Variants in SLC6A2 observed in about 807,000 individuals in gnomAD.
SLC6A2 encodes the protein sodium-dependent noradrenaline transporter.
Under a neutral mutation model 71.7 loss-of-function variants are expected in SLC6A2, and 26 were observed. That is an observed-to-expected ratio of 0.36 (90% CI 0.27 to 0.50). The LOEUF (loss-of-function observed/expected upper bound fraction) is 0.50, where lower values mean the gene tolerates loss of function less well. SLC6A2 is among the 20% of genes least tolerant of loss of function. The pLI is 0.96. For synonymous variants in SLC6A2, 363 were observed against 337.9 expected (o/e 1.07, Z -0.82); for missense variants, 581 against 803.9 (o/e 0.72, Z 3.35).
chr16:55,671,339 G>C (rs908678322), intron 3 of SLC6A2, among the ~76,000 whole-genome samples: 1 of 152,142 alleles, frequency 6.6e-6, no homozygotes, highest in Non-Finnish European at 1.5e-5. Flanking sequence ...TAACGTGGCT[G>C]CCCACTGGGG....
chr16:55,661,203 A>G (rs775291782), intron 2 of SLC6A2, among the ~76,000 whole-genome samples: 2 of 152,212 alleles, frequency 1.3e-5, no homozygotes, highest in Non-Finnish European at 2.9e-5. Context: ...CCTTTCTTCC[A>G]GGGAAGTGGC....
chr16:55,670,651 C>T (rs1047202294), intron 3 of SLC6A2, among the ~76,000 whole-genome samples: 11 of 152,170 alleles, frequency 7.2e-5, no homozygotes, highest in Non-Finnish European at 1.2e-4. Context: ...TCAGCAACCC[C>T]GGGCTTAAAT....
intron 2 of SLC6A2, among the ~76,000 whole-genome samples, chr16:55,663,808 G>A (rs1478070513): frequency 1.3e-5 from 2 of 152,022 alleles, no homozygotes; most frequent in African/African-American, 2.4e-5. Flanking sequence ...TCTCTCCAAG[G>A]TAGGATTTTT....
chr16:55,659,038 A>G (rs567114709), intron 2 of SLC6A2, among the ~76,000 whole-genome samples: 7 of 152,168 alleles, frequency 4.6e-5, no homozygotes, highest in Non-Finnish European at 1.0e-4. Context: ...GCCTGTCCTC[A>G]GTGACCGCCC....
At chr16:55,684,972 T>C (rs2270935) in intron 4 of SLC6A2, among the ~76,000 whole-genome samples, 171 bp from the exon 5 acceptor site, 142,659 of 152,328 alleles carry the variant, frequency 0.94, 67,026 homozygotes, top group Non-Finnish European at 0.98. Flanking sequence ...CCATGGCTGA[T>C]CAGGTCAGGC....
chr16:55,676,904 A>G (rs1280080451), intron 4 of SLC6A2, among the ~76,000 whole-genome samples: 1 of 152,200 alleles, frequency 6.6e-6, no homozygotes, highest in Non-Finnish European at 1.5e-5. Context: ...CCAGGGTTCA[A>G]AACCTTGACT....
At chr16:55,701,352 A>G (rs747918745) in intron 13 of SLC6A2, among the ~76,000 whole-genome samples, 1 of 152,154 alleles carries the variant, frequency 6.6e-6, no homozygotes, top group Admixed American at 6.5e-5. Context: ...TGAGCCTTCT[A>G]TTCTTCACAC....
rs576997857 is a variant in SLC6A2, at chr16:55,694,863, G to T, written c.1023-415G>T. Among the ~76,000 whole-genome samples, 16 of 152,320 alleles carry T rather than the reference G, an allele frequency of 1.1e-4. No individual in the cohort carries two copies. The South Asian group carries it at 3.3e-3, about 32-fold the overall frequency. ...GAGAAGCGGGACAACACAGGCAAAT[G>T]CAAGGAAGTGGTTTGTTTATGGACC... On this transcript the variant is annotated intron_variant, in intron 7 of 14. Coordinates refer to ENST00000568943, the MANE Select transcript of SLC6A2 (RefSeq NM_001172501.3).
rs759525872 is a variant in SLC6A2, at chr16:55,685,227, C to T, written c.729C>T (p.Val243=). 25 of 1,614,044 alleles carry T rather than the reference C, an allele frequency of 1.5e-5. No individual in the cohort carries two copies. The highest frequency in any genetic ancestry group is 2.2e-5 in the East Asian group (1 of 44,888). The change falls in exon 5 of 15, where the codon GTC becomes GTT. Residue 243 remains valine, a synonymous_variant. Transcript: ENST00000568943. ...GGCAGCTCTTGCTCTGTCTGATGGT[C>T]GTCGTCATCGTCTTGTATTTTAGCC... ...PQWQLLLCLM[V]VVIVLYFSLW...
intron 4 of SLC6A2, among the ~76,000 whole-genome samples, chr16:55,684,224 T>G (rs1178821563): frequency 4.9e-5 from 7 of 143,950 alleles, no homozygotes; most frequent in African/African-American, 1.3e-4. Flanking sequence ...CACCTGAGCC[T>G]GGGGAGGCTG....
chr16:55,692,060 C>T lies in SLC6A2; in HGVS notation c.918+8C>T. ...CGCTTGAAAGAGGCCACGGTCAGTGCTCAGTGACCACCAAGCCTTGGGCCA... is the reference window on the plus strand; with the variant it reads ...CGCTTGAAAGAGGCCACGGTCAGTGTTCAGTGACCACCAAGCCTTGGGCCA... On this transcript the variant is annotated splice_region_variant and intron_variant, in intron 6 of 14. Transcript: ENST00000568943. 1 of 1,614,092 alleles carries T rather than the reference C, an allele frequency of 6.2e-7. No individual in the cohort carries two copies. The highest frequency in any genetic ancestry group is 8.5e-7 in the Non-Finnish European group (1 of 1,179,950).
chr16:55,694,466 G>C (rs1005919748), intron 7 of SLC6A2, among the ~76,000 whole-genome samples: 51 of 152,260 alleles, frequency 3.3e-4, no homozygotes, highest in African/African-American at 1.1e-3. Context: ...GCTGCTGAGG[G>C]CCTGGCAGGG....
At chr16:55,678,929 C>A (rs1273065255) in intron 4 of SLC6A2, among the ~76,000 whole-genome samples, 1 of 152,160 alleles carries the variant, frequency 6.6e-6, no homozygotes, top group Non-Finnish European at 1.5e-5. Flanking sequence ...GAGTCCAGAT[C>A]TTTTCACTGA....
intron 5 of SLC6A2, among the ~76,000 whole-genome samples, chr16:55,691,603 T>A (rs1965631517): frequency 6.6e-6 from 1 of 152,160 alleles, no homozygotes; most frequent in Non-Finnish European, 1.5e-5. Flanking sequence ...GGTGGCTTTG[T>A]AGATGAGGAG....
Position 55,699,651 on chromosome 16 carries a change from C to T in SLC6A2, c.1587C>T (p.Leu529=), listed in dbSNP as rs1965908581. The change falls in exon 12 of 15, where the codon CTC becomes CTT. Residue 529 remains leucine, a synonymous_variant. Transcript: ENST00000568943. ...GGAAGTTCGTCAGTCCTGCCTTCCT[C>T]CTGGTGTGTAGTGTCTGCAGGGAAG... ...LCWKFVSPAF[L]LFVVVVSIIN... 1 of 1,609,842 alleles carries T rather than the reference C, an allele frequency of 6.2e-7. No individual in the cohort carries two copies. The highest frequency in any genetic ancestry group is 1.3e-5 in the African/African-American group (1 of 74,960).
intron 8 of SLC6A2, 28 bp from the exon 9 acceptor site, chr16:55,696,197 T>C (rs1410708518): frequency 1.5e-6 from 2 of 1,369,356 alleles, no homozygotes; most frequent in East Asian, 2.3e-5. Flanking sequence ...GTTTCAGCCA[T>C]TGATGAGGTC....
In SLC6A2 at chr16:55,656,531, C is replaced by A. The variant is rs1386740119; in HGVS notation, c.-51-113C>A. The A allele has an allele frequency of 4.8e-6, 4 of 841,468 alleles. No homozygotes were observed. The highest frequency in any genetic ancestry group is 7.7e-6 in the Non-Finnish European group (4 of 519,264). The allele number at this position is 841,468 out of a possible 1,614,324, so 52.1% of individuals were successfully genotyped here. ...CGCGCGCCCTTTTCTGGGAACCCTG[C>A]GTCCGCTCAGCGCGCGCTCATCCCA... On this transcript the variant is annotated intron_variant, in intron 1 of 14. Coordinates refer to ENST00000568943, the MANE Select transcript of SLC6A2 (RefSeq NM_001172501.3). This position sits in a 1 kb window ranked among gnomAD's most constrained non-coding sequence, Gnocchi z 4.5.
Position 55,703,453 on chromosome 16 carries a change from C to T in SLC6A2, c.*1107C>T, listed in dbSNP as rs550343491. ...GCACTAGATGTGGCACCTTGGAGGG[C>T]AGGGTGAGACAAGCAGCCCAGAAAT... On this transcript the variant is annotated 3_prime_UTR_variant, in exon 15 of 15. Coordinates refer to ENST00000568943, the MANE Select transcript of SLC6A2 (RefSeq NM_001172501.3). 6 of 985,412 alleles carry T rather than the reference C, an allele frequency of 6.1e-6. No individual in the cohort carries two copies. The East Asian group carries it at 4.6e-4, about 75-fold the overall frequency. 61.0% of individuals were successfully genotyped at this position (985,412 alleles called of 1,614,324 possible).
At chr16:55,662,850 A>T (rs556801369) in intron 2 of SLC6A2, among the ~76,000 whole-genome samples, 2 of 152,272 alleles carry the variant, frequency 1.3e-5, no homozygotes, top group South Asian at 4.1e-4. Context: ...CTCAACAACA[A>T]CAATCAACAC....
Sources: gnomAD v4.1 joint callset for allele counts (sites outside exome capture counted in the v4.1 genomes callset) on GRCh38, gnomAD v4.1.1 for gene constraint, Gnocchi (gnomAD v3.1) non-coding constraint, MANE v1.5 for transcripts, NCBI Gene and HGNC (gene_info 2026-07-23, HGNC 2026-07-21) for gene names.